GARNL3: variants seen among roughly 807,000 people sequenced by gnomAD.
GARNL3 encodes the protein GTPase activating Rap/RanGAP domain like 3.
GARNL3 carries 63 observed loss-of-function variants against 125.0 expected under a neutral mutation model. That is an observed-to-expected ratio of 0.50 (90% CI 0.41 to 0.62). The LOEUF (loss-of-function observed/expected upper bound fraction) is 0.62, where lower values mean the gene tolerates loss of function less well. GARNL3 is among the 20% of genes least tolerant of loss of function. The pLI is 0.00. For synonymous variants in GARNL3, 439 were observed against 457.5 expected, an observed-to-expected ratio of 0.96 and a Z score of 0.52; for missense variants, 994 against 1,244.0, an observed-to-expected ratio of 0.80 and a Z score of 3.02.
chr9:127,283,436 C>T (rs990664498), intron 1 of GARNL3, among the ~76,000 whole-genome samples: 1 of 152,122 alleles, frequency 6.6e-6, no homozygotes, highest in South Asian at 2.1e-4. Context: ...TTTGGAAGAC[C>T]TTAGCAGGAG....
intron 2 of GARNL3, among the ~76,000 whole-genome samples, chr9:127,301,799 G>A (rs1487121100): frequency 6.6e-6 from 1 of 151,930 alleles, no homozygotes; most frequent in Non-Finnish European, 1.5e-5. Flanking sequence ...AAATGAGTGT[G>A]ACCCCTGGGT....
intron 16 of GARNL3, among the ~76,000 whole-genome samples, chr9:127,348,523 T>A (rs568619148): frequency 6.6e-6 from 1 of 152,198 alleles, no homozygotes; most frequent in Admixed American, 6.5e-5. Flanking sequence ...GGAATCTGAC[T>A]TTTTTATAGA....
intron 1 of GARNL3, among the ~76,000 whole-genome samples, chr9:127,285,159 C>T (rs1341459272): frequency 3.3e-5 from 5 of 152,078 alleles, no homozygotes; most frequent in Non-Finnish European, 7.4e-5. Flanking sequence ...CTTTTCTGGG[C>T]CAGACATGGT....
At chr9:127,325,202 T>G in intron 7 of GARNL3, 107 bp downstream of exon 7, 3 of 1,088,856 alleles carry the variant, frequency 2.8e-6, no homozygotes, top group Non-Finnish European at 4.2e-6. Flanking sequence ...AATCTCCATG[T>G]AGATTTGCAC....
At position 127,269,231 on chromosome 9, in the gene GARNL3, C is replaced by T. The variant is rs562332892; in HGVS notation, c.144+4210C>T. 4.3e-4 allele frequency among the ~76,000 whole-genome samples: 65 copies of T among 152,308 alleles called. 1 individual carries two copies. In the South Asian group the frequency reaches 0.013, roughly 32 times the overall value. The stretch of plus-strand genomic sequence containing the variant: ...TCCAGGCTGGTCTCGAAATCTTGGG[C>T]TCAAGCAGTCCTCCTGCCTTGACCT... On this transcript the variant is annotated intron_variant, in intron 1 of 27. Coordinates refer to ENST00000373387, the MANE Select transcript of GARNL3 (RefSeq NM_032293.5).
chr9:127,332,673 A>G (rs538450549), intron 8 of GARNL3, among the ~76,000 whole-genome samples: 1 of 152,354 alleles, frequency 6.6e-6, no homozygotes, highest in Non-Finnish European at 1.5e-5. Context: ...AGGAAGAATT[A>G]TAAGATGGCG....
At chr9:127,254,302 A>G (rs770358202) in intron 2 of GARNL3, among the ~76,000 whole-genome samples, 22 of 152,348 alleles carry the variant, frequency 1.4e-4, no homozygotes, top group Non-Finnish European at 2.2e-4. Context: ...ATGATGGTGA[A>G]GGATTTCTTA....
chr9:127,311,629 A>T lies in GARNL3; in HGVS notation c.220-7A>T. On this transcript the variant is annotated splice_region_variant and splice_polypyrimidine_tract_variant and intron_variant, in intron 2 of 27. Coordinates refer to ENST00000373387, the MANE Select transcript of GARNL3 (RefSeq NM_032293.5). ...CCTCTTAATGTCACAACTTTGTTCC[A>T]TTACAGAATGCAACTGCCCTGCCTG... The T allele has an allele frequency of 6.2e-7, 1 of 1,607,942 alleles. No individual in the cohort carries two copies. The highest frequency in any genetic ancestry group is 1.1e-5 in the South Asian group (1 of 90,918).
intron 14 of GARNL3, among the ~76,000 whole-genome samples, chr9:127,342,912 T>C (rs976890000): frequency 2.0e-5 from 3 of 148,194 alleles, no homozygotes; most frequent in Non-Finnish European, 4.5e-5. Flanking sequence ...TTTTTTTTTT[T>C]TGGAGACAGA....
chr9:127,367,742 A>G (rs984431209), intron 22 of GARNL3, among the ~76,000 whole-genome samples: 1 of 152,192 alleles, frequency 6.6e-6, no homozygotes, highest in Non-Finnish European at 1.5e-5. Flanking sequence ...AAAGATAATC[A>G]TGCCAGGAAA....
intron 1 of GARNL3, among the ~76,000 whole-genome samples, chr9:127,240,667 T>C (rs541779215): frequency 9.3e-4 from 142 of 152,330 alleles, no homozygotes; most frequent in Non-Finnish European, 1.5e-3. Context: ...CTTTGGGAAG[T>C]CGAGGTGGGA....
At chr9:127,296,146 G>A (rs1029780523) in intron 2 of GARNL3, among the ~76,000 whole-genome samples, 3 of 152,148 alleles carry the variant, frequency 2.0e-5, no homozygotes, top group Admixed American at 2.0e-4. Context: ...ACGGAGCTCA[G>A]GTGGTAATAT....
rs747628942 is a variant in GARNL3, at chr9:127,242,705, G to T, written c.-28-374G>T. Among the ~76,000 whole-genome samples the T allele has an allele frequency of 6.6e-6, 1 of 152,150 alleles. No individual in the cohort carries two copies. Among genetic ancestry groups the T allele is most frequent in the Non-Finnish European group, 1.5e-5 (1 of 68,018 alleles). On this transcript the variant is annotated intron_variant, in intron 1 of 10. Coordinates refer to the GARNL3 transcript ENST00000439286. This position sits in a 1 kb window ranked among gnomAD's most constrained non-coding sequence, Gnocchi z 4.6. ...CCTGGACTACCCCAGTAATGGCCAT[G>T]AAGTCCTACCACCGGTGATTCTCCA...
chr9:127,375,746 C>T (rs929119298), intron 22 of GARNL3, among the ~76,000 whole-genome samples: 1 of 152,170 alleles, frequency 6.6e-6, no homozygotes, highest in East Asian at 1.9e-4. Context: ...ACTTCTAAGA[C>T]TAGGTCAAAA....
intron 13 of GARNL3, among the ~76,000 whole-genome samples, chr9:127,341,852 G>A (rs372483119): frequency 1.2e-3 from 190 of 152,302 alleles, no homozygotes; most frequent in Non-Finnish European, 2.1e-3. Flanking sequence ...TCAAGGTGAT[G>A]GAGAGGGTGT....
chr9:127,244,904 GAATTTC>G (rs2131178263), intron 2 of GARNL3, among the ~76,000 whole-genome samples: 1 of 152,310 alleles, frequency 6.6e-6, no homozygotes, highest in Non-Finnish European at 1.5e-5. Context: ...TCTGAAATGG[GAATTTC>G]AAATTTCAGG....
upstream of GARNL3, chr9:127,264,083 C>A: frequency 1.1e-6 from 1 of 880,450 alleles, no homozygotes; most frequent in Non-Finnish European, 1.7e-6. Context: ...ATTTTATTTT[C>A]TATGTTATCG....
At chr9:127,379,902 G>A (rs1446146071) in intron 22 of GARNL3, among the ~76,000 whole-genome samples, 3 of 152,048 alleles carry the variant, frequency 2.0e-5, no homozygotes, top group African/African-American at 4.8e-5. Flanking sequence ...AGTACTGGCC[G>A]GGTGCGGTGG....
At chr9:127,352,286 A>G (rs1295577662) in intron 17 of GARNL3, among the ~76,000 whole-genome samples, 1 of 152,222 alleles carries the variant, frequency 6.6e-6, no homozygotes, top group Non-Finnish European at 1.5e-5. Flanking sequence ...TGGGAGTATT[A>G]TAAGTTCCTA....
Sources: allele counts gnomAD v4.1 joint callset (sites outside exome capture counted in the v4.1 genomes callset), GRCh38; gene constraint gnomAD v4.1.1; non-coding constraint Gnocchi (gnomAD v3.1); transcripts MANE v1.5; gene names NCBI Gene and HGNC (gene_info 2026-07-23, HGNC 2026-07-21).